Variants in PLCB1 observed in about 807,000 individuals in gnomAD.
PLCB1 encodes 1-phosphatidylinositol 4,5-bisphosphate phosphodiesterase beta-1.
PLCB1 carries 46 observed loss-of-function variants against 161.8 expected under a neutral mutation model. The observed-to-expected ratio is 0.28, with a 90% CI of 0.22 to 0.36. The LOEUF (loss-of-function observed/expected upper bound fraction) is 0.36, where lower values mean the gene tolerates loss of function less well. Ranked by LOEUF, PLCB1 falls within the 10% of genes least tolerant of loss-of-function variation. The pLI is 1.00. For synonymous variants in PLCB1, 517 were observed against 503.7 expected (o/e 1.03, Z -0.35); for missense variants, 1,016 against 1,472.5 (o/e 0.69, Z 5.07).
intron 2 of PLCB1, among the ~76,000 whole-genome samples, chr20:8,166,736 C>A (rs555958014): frequency 5.3e-5 from 8 of 152,078 alleles, no homozygotes; most frequent in Non-Finnish European, 1.2e-4. Flanking sequence ...TCTTTTCCAC[C>A]TTCCCTCCAA....
chr20:8,318,716 T>C (rs916532952), intron 2 of PLCB1, among the ~76,000 whole-genome samples: 5 of 152,190 alleles, frequency 3.3e-5, no homozygotes, highest in Non-Finnish European at 5.9e-5. Context: ...GACAATATTA[T>C]GTTCCTGGAA....
At chr20:8,603,805 C>T (rs2123149575) in intron 3 of PLCB1, among the ~76,000 whole-genome samples, 1 of 152,190 alleles carries the variant, frequency 6.6e-6, no homozygotes. Context: ...TTTTATGATC[C>T]TTTGTGTTGG....
chr20:8,361,648 G>A (rs1168142107), intron 2 of PLCB1, among the ~76,000 whole-genome samples: 1 of 152,090 alleles, frequency 6.6e-6, no homozygotes, highest in Non-Finnish European at 1.5e-5. Context: ...GATAAGTGAT[G>A]GATTCAAATA....
intron 2 of PLCB1, among the ~76,000 whole-genome samples, chr20:8,273,044 G>A (rs985564962): frequency 2.0e-5 from 3 of 152,118 alleles, no homozygotes; most frequent in African/African-American, 7.2e-5. Flanking sequence ...CAATTAAAAT[G>A]TACCAATTCC....
At chr20:8,830,468 T>G (rs1316594241) in intron 31 of PLCB1, among the ~76,000 whole-genome samples, 1 of 152,224 alleles carries the variant, frequency 6.6e-6, no homozygotes, top group African/African-American at 2.4e-5. Context: ...AGGAGGCTAC[T>G]TCTGTAATCC....
At chr20:8,792,145 A>G (rs1983788942) in intron 31 of PLCB1, 1 of 162,258 alleles carries the variant, frequency 6.2e-6, no homozygotes, top group African/African-American at 2.4e-5. Context: ...ATAACCTTAC[A>G]TGAAACCACT....
intron 2 of PLCB1, among the ~76,000 whole-genome samples, chr20:8,330,888 A>G (rs1429195951): frequency 2.0e-5 from 3 of 152,230 alleles, no homozygotes; most frequent in East Asian, 3.8e-4. Flanking sequence ...GGTAGGAAGT[A>G]TGACATCATA....
chr20:8,248,404 T>G (rs1408850783), intron 2 of PLCB1, among the ~76,000 whole-genome samples: 3 of 151,886 alleles, frequency 2.0e-5, no homozygotes, highest in African/African-American at 7.2e-5. Context: ...CAGTATCTTC[T>G]GTTGCCATCC....
rs189254368 is a variant in PLCB1, at chr20:8,663,163, A to G, written c.862+4459A>G. On this transcript the variant is annotated intron_variant, in intron 9 of 31. Coordinates refer to ENST00000338037, the MANE Select transcript of PLCB1 (RefSeq NM_015192.4). ...CATAAGATACACACATAATATACAT[A>G]ATAGAATATAAACATATATATAACA... 3.8e-4 allele frequency among the ~76,000 whole-genome samples: 57 copies of G among 151,892 alleles called. No homozygotes were observed. The East Asian group carries it at 6.0e-3, about 16-fold the overall frequency.
intron 3 of PLCB1, among the ~76,000 whole-genome samples, chr20:8,580,459 C>G (rs1986799911): frequency 6.6e-6 from 1 of 152,170 alleles, no homozygotes; most frequent in South Asian, 2.1e-4. Flanking sequence ...ATACTGTCCT[C>G]TTTCGAGGGT....
chr20:8,400,515 G>GA (rs1978503160), intron 3 of PLCB1, among the ~76,000 whole-genome samples: 1 of 152,074 alleles, frequency 6.6e-6, no homozygotes, highest in Non-Finnish European at 1.5e-5. Flanking sequence ...ACTATTAAAG[G>GA]TTATCTTATT....
intron 1 of PLCB1, among the ~76,000 whole-genome samples, chr20:8,144,831 T>C (rs2051437919): frequency 1.3e-5 from 2 of 152,200 alleles, no homozygotes; most frequent in African/African-American, 4.8e-5. Context: ...CTTGTTACTT[T>C]TCCTGTTGAC....
chr20:8,254,950 T>C (rs1568606879), intron 2 of PLCB1, among the ~76,000 whole-genome samples: 1 of 152,086 alleles, frequency 6.6e-6, no homozygotes, highest in Non-Finnish European at 1.5e-5. Context: ...AAATGCTTTG[T>C]AATCTGAAAA....
intron 31 of PLCB1, among the ~76,000 whole-genome samples, chr20:8,793,305 CCTT>C (rs1379663230): frequency 5.9e-5 from 9 of 152,136 alleles, no homozygotes; most frequent in African/African-American, 1.9e-4. Context: ...ACAATTGTAA[CCTT>C]CTTATGAAGA....
chr20:8,191,474 C>T (rs2038036), intron 2 of PLCB1, among the ~76,000 whole-genome samples: 31,686 of 151,762 alleles, frequency 0.21, 3,390 homozygotes, highest in South Asian at 0.27. Context: ...TAGCCCTTCA[C>T]CTTAAATAAT....
chr20:8,357,460 T>G (rs1986396267), intron 2 of PLCB1, among the ~76,000 whole-genome samples: 1 of 152,188 alleles, frequency 6.6e-6, no homozygotes, highest in Admixed American at 6.5e-5. Context: ...TATCTTGCCC[T>G]TGGTGAGAAA....
intron 3 of PLCB1, among the ~76,000 whole-genome samples, chr20:8,507,989 C>T (rs1431826350): frequency 6.6e-6 from 1 of 152,112 alleles, no homozygotes; most frequent in Non-Finnish European, 1.5e-5. Flanking sequence ...ACACCCTCCA[C>T]CCTAGCTCAC....
At chr20:8,456,266 A>T (rs879452597) in intron 3 of PLCB1, among the ~76,000 whole-genome samples, 13 of 152,226 alleles carry the variant, frequency 8.5e-5, no homozygotes, top group African/African-American at 3.1e-4. Context: ...GCCCTCCAAA[A>T]GCTTGTTACA....
chr20:8,230,312 C>T (rs1214466150), intron 2 of PLCB1, among the ~76,000 whole-genome samples: 2 of 151,978 alleles, frequency 1.3e-5, no homozygotes, highest in Non-Finnish European at 2.9e-5. Flanking sequence ...TGGGATACAC[C>T]TGATCTTTTG....
Sources: allele counts gnomAD v4.1 joint callset (sites outside exome capture counted in the v4.1 genomes callset), GRCh38; gene constraint gnomAD v4.1.1; transcripts MANE v1.5; gene names NCBI Gene and HGNC (gene_info 2026-07-23, HGNC 2026-07-21).